The following SUN2 variants were observed in gnomAD, a reference collection of about 807,000 sequenced individuals.
SUN2 encodes SUN domain-containing protein 2.
A neutral mutation model predicts 100.0 loss-of-function variants in SUN2; 60 were observed. That is an observed-to-expected ratio of 0.60 (90% CI 0.49 to 0.74). The LOEUF is 0.74. SUN2 is among the 30% of genes least tolerant of loss of function. The pLI is 0.00. For missense variants in SUN2, 834 were observed against 954.6 expected (o/e 0.87, Z 1.66); for synonymous variants, 367 against 403.3 (o/e 0.91, Z 1.08).
At position 38,745,749 on chromosome 22, in the gene SUN2, C is replaced by A; in HGVS notation, c.748G>T (p.Ala250Ser). The A allele has an allele frequency of 6.2e-7, 1 of 1,614,098 alleles. No homozygotes were observed. Among genetic ancestry groups the A allele is most frequent in the South Asian group, 1.1e-5 (1 of 91,088 alleles). ...TCCGGCCTCCTGCTGTCCTTCGCTGCCCACCAGGAAACCAAAGCAGGGTGG... is the reference window on the plus strand; with the variant it reads ...TCCGGCCTCCTGCTGTCCTTCGCTGACCACCAGGAAACCAAAGCAGGGTGG... ...TFHPALVSWWAAKDSRRPDEG... is the reference protein window; with the variant it reads ...TFHPALVSWWSAKDSRRPDEG... Residue 250 changes from alanine to serine, a missense_variant, in exon 8 of 18, where the codon GCA becomes TCA. Physicochemically the swap from Ala to Ser is moderately conservative, Grantham distance 99 (BLOSUM62 1). Around this residue, in one of 3 missense-constraint regions of SUN2, gnomAD observed 559 missense variants for 597.7 expected, o/e 0.94. Coordinates refer to ENST00000689035, the MANE Select transcript of SUN2 (RefSeq NM_015374.3).
Position 38,740,065 on chromosome 22 carries a change from G to A in SUN2, c.1357-122C>T. On this transcript the variant is annotated intron_variant, in intron 12 of 17. Coordinates refer to ENST00000689035, the MANE Select transcript of SUN2 (RefSeq NM_015374.3). This position sits in a 1 kb window ranked among gnomAD's most constrained non-coding sequence, Gnocchi z 4.8. ...GTAGGAGGGAGGCCACTGGAGGAAA[G>A]AGTTATGAACACTCCATGGGCACTA... The A allele has an allele frequency of 3.1e-6, 4 of 1,285,486 alleles. No individual in the cohort carries two copies. Among genetic ancestry groups the A allele is most frequent in the Non-Finnish European group, 3.2e-6 (3 of 937,720 alleles). 79.6% of individuals were successfully genotyped at this position (1,285,486 alleles called of 1,614,324 possible).
chr22:38,752,778 C>CGGCCCCT (rs1298813397), intron 1 of SUN2, 113 bp from the exon 2 acceptor site: 1 of 1,157,976 alleles, frequency 8.6e-7, no homozygotes, highest in Admixed American at 2.7e-5. Flanking sequence ...ACCACCCCCC[C>CGGCCCCT]GGCCCCCGGC....
chr22:38,753,494 G>C (rs1223778563), intron 1 of SUN2, among the ~76,000 whole-genome samples: 1 of 152,076 alleles, frequency 6.6e-6, no homozygotes, highest in African/African-American at 2.4e-5. Context: ...GGGATTACAG[G>C]CATGAGCCAC....
In SUN2 at chr22:38,752,572, G is replaced by A. The variant is rs374169188; in HGVS notation, c.57C>T (p.Ser19=). Residue 19 remains serine (S), a synonymous_variant, in exon 2 of 18, where the codon AGC becomes AGT. Coordinates refer to ENST00000689035, the MANE Select transcript of SUN2 (RefSeq NM_015374.3). ...CCACCGAGCTCCCTCCGCTGCTGCT[G>A]CTGCCGTCATCGTCACCCTGGGAGT... is the stretch of plus-strand genomic sequence containing the variant. The part of the protein sequence containing the change: ...TRYSQGDDDG[S]SSSGGSSVAG... The A allele has an allele frequency of 6.8e-6, 11 of 1,613,854 alleles. No individual in the cohort carries two copies. Among genetic ancestry groups the A allele is most frequent in the Non-Finnish European group, 8.5e-6 (10 of 1,179,960 alleles).
Position 38,740,883 on chromosome 22 carries a change from C to T in SUN2, c.1190+124G>A. On this transcript the variant is annotated intron_variant, in intron 11 of 17. Coordinates refer to ENST00000689035, the MANE Select transcript of SUN2 (RefSeq NM_015374.3). The surrounding 1 kb of genome is among the most constrained non-coding windows in gnomAD (Gnocchi z 4.8). ...TCCTGAGCTGGGTTTCAACCCCTCCCCCTACCATCTGCTTGGCAAGATGAT... is the reference window on the plus strand; with the variant it reads ...TCCTGAGCTGGGTTTCAACCCCTCCTCCTACCATCTGCTTGGCAAGATGAT... 9.0e-7 allele frequency: 1 copy of T among 1,107,754 alleles called. No homozygotes were observed. The highest frequency in any genetic ancestry group is 1.3e-6 in the Non-Finnish European group (1 of 757,626). 68.6% of individuals were successfully genotyped at this position (1,107,754 alleles called of 1,614,324 possible).
At position 38,748,809 on chromosome 22, in the gene SUN2, G is replaced by C. The variant is rs758471535; in HGVS notation, c.615-26C>G. On this transcript the variant is annotated intron_variant, in intron 6 of 17. Coordinates refer to ENST00000689035, the MANE Select transcript of SUN2 (RefSeq NM_015374.3). ...CTGGACCACGCGGGAGGGCAGGACG[G>C]GGGAGGCGGAGGTGTGAGGGGAGCT... 1.1e-5 allele frequency: 17 copies of C among 1,613,628 alleles called. No individual in the cohort carries two copies. In the East Asian group the frequency reaches 1.8e-4, roughly 17 times the overall value.
chr22:38,739,488 G>A lies in SUN2; in HGVS notation c.1579-62C>T, dbSNP rs543453740. The A allele has an allele frequency of 1.9e-4, 300 of 1,577,990 alleles. No individual in the cohort carries two copies. The African/African-American group carries it at 3.6e-3, about 19-fold the overall frequency. ...AGCAGACGTGTCCCCCTGTCACCTC[G>A]TGGCCGTGGGCCAAGGACCCATGGG... On this transcript the variant is annotated intron_variant, in intron 13 of 17. Coordinates refer to ENST00000689035, the MANE Select transcript of SUN2 (RefSeq NM_015374.3). This position sits in a 1 kb window ranked among gnomAD's most constrained non-coding sequence, Gnocchi z 6.7.
intron 5 of SUN2, 76 bp downstream of exon 5, chr22:38,750,149 T>A: frequency 6.4e-7 from 1 of 1,556,366 alleles, no homozygotes; most frequent in Non-Finnish European, 8.7e-7. Flanking sequence ...ATGGGCAGGA[T>A]GCCCAACTGC....
chr22:38,743,621 C>G (rs959671448), intron 8 of SUN2: 5 of 149,106 alleles, frequency 3.4e-5, no homozygotes, highest in African/African-American at 1.2e-4. Context: ...CCACAAAAAC[C>G]AGCAAAAAAT....
rs1013136292 is a variant in SUN2, at chr22:38,755,859, G to C, written c.-134C>G. 3.1e-6 allele frequency: 3 copies of C among 982,514 alleles called. No homozygotes were observed. The highest frequency in any genetic ancestry group is 3.6e-6 in the Non-Finnish European group (3 of 828,808). 60.9% of individuals were successfully genotyped at this position (982,514 alleles called of 1,614,324 possible). ...TCCGCGTGGGGATCCCGCGGGCGGC[G>C]CTCCGCTCAGGGCGACACAGCGGCC... On this transcript the variant is annotated 5_prime_UTR_variant, in exon 1 of 18. Transcript: ENST00000689035. This position sits in a 1 kb window ranked among gnomAD's most constrained non-coding sequence, Gnocchi z 5.7.
intron 6 of SUN2, 132 bp from the exon 7 acceptor site, chr22:38,748,915 G>T: frequency 1.1e-6 from 1 of 893,488 alleles, no homozygotes. Context: ...GATAGCTTGA[G>T]CTTCTCACTG....
intron 3 of SUN2, 65 bp from the exon 4 acceptor site, chr22:38,751,100 CAG>C: frequency 1.2e-6 from 2 of 1,610,146 alleles, no homozygotes; most frequent in Non-Finnish European, 8.5e-7. Context: ...GGGGTCTGGG[CAG>C]AGAGGTGCTC....
In SUN2 at chr22:38,739,299, C is replaced by A. The variant is rs373250659; in HGVS notation, c.1663+43G>T. The A allele has an allele frequency of 1.3e-6, 2 of 1,595,214 alleles. No homozygotes were observed. The highest frequency in any genetic ancestry group is 1.7e-6 in the Non-Finnish European group (2 of 1,163,998). ...GTAGATGCCAGGGGACCGGCCATTG[C>A]GGGGTCCAGGACAAGGCAGAGCGAG... On this transcript the variant is annotated intron_variant, in intron 14 of 17. Transcript: ENST00000689035. This position sits in a 1 kb window ranked among gnomAD's most constrained non-coding sequence, Gnocchi z 6.7.
intron 5 of SUN2, 94 bp downstream of exon 5, chr22:38,750,131 C>G (rs796894088): frequency 1.1e-4 from 164 of 1,532,614 alleles, no homozygotes; most frequent in Non-Finnish European, 1.4e-4. Flanking sequence ...GTCCTACAGT[C>G]TCTCTGCATG....
chr22:38,738,077 C>T lies in SUN2; in HGVS notation c.2040+96G>A, dbSNP rs1361798234. ...GGAAAGGAGAGCAGGGCTTCCCTCT[C>T]TGAACCCCATGCCTGGCAGGGTAAG... On this transcript the variant is annotated intron_variant, in intron 17 of 17. Transcript: ENST00000689035. The surrounding 1 kb of genome is among the most constrained non-coding windows in gnomAD (Gnocchi z 6.6). 1 of 1,114,912 alleles carries T rather than the reference C, an allele frequency of 9.0e-7. No homozygotes were observed. Among genetic ancestry groups the T allele is most frequent in the Admixed American group, 1.7e-5 (1 of 58,556 alleles). The allele number at this position is 1,114,912 out of a possible 1,614,324, so 69.1% of individuals were successfully genotyped here.
chr22:38,746,851 G>A (rs942112594), intron 7 of SUN2, among the ~76,000 whole-genome samples: 22 of 151,996 alleles, frequency 1.4e-4, no homozygotes, highest in African/African-American at 4.8e-4. Flanking sequence ...CTAATATGGT[G>A]ACACCCCATC....
chr22:38,753,755 G>A (rs2092965747), intron 1 of SUN2, among the ~76,000 whole-genome samples: 1 of 152,194 alleles, frequency 6.6e-6, no homozygotes, highest in African/African-American at 2.4e-5. Flanking sequence ...TACAAGGGAA[G>A]AACCTGGACA....
Position 38,740,224 on chromosome 22 carries a change from G to A in SUN2, c.1356+43C>T. The A allele has an allele frequency of 6.7e-7, 1 of 1,498,662 alleles. No individual in the cohort carries two copies. The highest frequency in any genetic ancestry group is 1.3e-5 in the South Asian group (1 of 75,258). The allele number at this position is 1,498,662 out of a possible 1,614,324, so 92.8% of individuals were successfully genotyped here. A position where few individuals can be genotyped will look rare whatever the true frequency, so the allele number is the denominator to read the frequency against. On this transcript the variant is annotated intron_variant, in intron 12 of 17. Coordinates refer to ENST00000689035, the MANE Select transcript of SUN2 (RefSeq NM_015374.3). The surrounding 1 kb of genome is among the most constrained non-coding windows in gnomAD (Gnocchi z 4.8). ...GGCCCCAGGACACGTCGTCTCAAAG[G>A]AGGAGGAGAGGGACCAGCAGGGCCC...
rs773495171 is a variant in SUN2, at chr22:38,750,332, G to A, written c.425-12C>T. Reference sequence around the variant, plus strand: ...CACATCCGAGTAGCCTGCGGGGAACGAGGACACTGGCTCAGTCTCTGTCAC... The same window carrying A: ...CACATCCGAGTAGCCTGCGGGGAACAAGGACACTGGCTCAGTCTCTGTCAC... On this transcript the variant is annotated splice_polypyrimidine_tract_variant and intron_variant, in intron 4 of 17. Transcript: ENST00000689035. 1.2e-5 allele frequency: 20 copies of A among 1,613,732 alleles called. No homozygotes were observed. Among genetic ancestry groups the A allele is most frequent in the Admixed American group, 6.7e-5 (4 of 60,006 alleles).
Sources: gnomAD v4.1 joint callset for allele counts (sites outside exome capture counted in the v4.1 genomes callset) on GRCh38, gnomAD v4.1.1 for gene constraint, gnomAD v4.1.1 regional missense constraint, Gnocchi (gnomAD v3.1) non-coding constraint, MANE v1.5 for transcripts, NCBI Gene and HGNC (gene_info 2026-07-23, HGNC 2026-07-21) for gene names.